Variants in PROM2 observed in about 807,000 individuals in gnomAD.
PROM2 encodes prominin 2.
PROM2 carries 90 observed loss-of-function variants against 110.2 expected under a neutral mutation model. The ratio of observed to expected loss-of-function variants is 0.82; its 90% CI spans 0.69 to 0.97. The LOEUF (loss-of-function observed/expected upper bound fraction) is 0.97. Among genes scored for constraint, PROM2 ranks in the 50% least tolerant of loss-of-function variants. PROM2 has a pLI of 0.00. For synonymous variants in PROM2, 470 were observed against 467.8 expected, an observed-to-expected ratio of 1.00 and a Z score of -0.06; for missense variants, 1,009 against 1,074.8, an observed-to-expected ratio of 0.94 and a Z score of 0.86.
At chr2:95,285,732 G>T (rs781375479) in intron 16 of PROM2, 22 bp downstream of exon 16, 1 of 1,578,034 alleles carries the variant, frequency 6.3e-7, no homozygotes, top group Non-Finnish European at 8.6e-7. Flanking sequence ...ACAGGGCCCC[G>T]ACTGGGCAGC....
At chr2:95,278,082 C>A in intron 8 of PROM2, 78 bp downstream of exon 8, 4 of 1,238,640 alleles carry the variant, frequency 3.2e-6, no homozygotes, top group South Asian at 2.6e-5. Flanking sequence ...TGGGCAGGAA[C>A]CCAGTTGAAC....
chr2:95,288,582 C>T lies in PROM2; in HGVS notation c.2434C>T (p.Arg812Cys), dbSNP rs576676999. 2.7e-5 allele frequency: 43 copies of T among 1,613,618 alleles called. No individual in the cohort carries two copies. Among genetic ancestry groups the T allele is most frequent in the South Asian group, 2.1e-4 (19 of 91,050 alleles). Residue 812 changes from arginine (R) to cysteine (C), a missense_variant, in exon 22 of 24, where the codon CGC becomes TGC. By Grantham distance (180) the Arg-to-Cys change is radical. Transcript: ENST00000317620. Reference sequence around the variant, plus strand: ...CAAATACTTCCGTCCTATCCGGAAACGCCTCAGGTGAGGGGCTGCCAGGGC... The same window carrying T: ...CAAATACTTCCGTCCTATCCGGAAATGCCTCAGGTGAGGGGCTGCCAGGGC... ...TSKYFRPIRK[R>C]LSSTSSEETQ...
In PROM2 at chr2:95,281,987, G is replaced by A; in HGVS notation, c.1614G>A (p.Arg538=). The A allele has an allele frequency of 1.9e-6, 3 of 1,614,136 alleles. No homozygotes were observed. The highest frequency in any genetic ancestry group is 2.5e-6 in the Non-Finnish European group (3 of 1,180,000). ...SMNLSQLLGL[R]KNISIHQAYQ... ...ACCTGTCGCAACTTCTTGGCCTGAGGAAGAACATCAGCATCCACCAAGCCT... is the reference window on the plus strand; with the variant it reads ...ACCTGTCGCAACTTCTTGGCCTGAGAAAGAACATCAGCATCCACCAAGCCT... The change falls in exon 13 of 24, where the codon AGG becomes AGA. Residue 538 remains arginine (R), a synonymous_variant. Coordinates refer to ENST00000317620, the MANE Select transcript of PROM2 (RefSeq NM_001165978.3).
chr2:95,285,651 G>A lies in PROM2; in HGVS notation c.1888G>A (p.Val630Met), dbSNP rs763434626. Residue 630 changes from valine to methionine, a missense_variant, in exon 16 of 24, where the codon GTG becomes ATG. Val to Met is a conservative substitution (Grantham distance 21, BLOSUM62 1). Coordinates refer to ENST00000317620, the MANE Select transcript of PROM2 (RefSeq NM_001165978.3). ...TGTCCACCTGCAGATCCAGAGGCCC[G>A]TGGTGAAGACCAGCATGGAGCAGCT... is the stretch of plus-strand genomic sequence containing the variant. ...PDFLVQIQRP[V>M]VKTSMEQLAQ... 3.7e-6 allele frequency: 6 copies of A among 1,601,370 alleles called. 1 individual carries two copies. The highest frequency in any genetic ancestry group is 3.4e-5 in the South Asian group (3 of 88,536).
intron 14 of PROM2, among the ~76,000 whole-genome samples, chr2:95,284,024 T>C (rs1275225891): frequency 3.3e-5 from 5 of 152,202 alleles, no homozygotes; most frequent in African/African-American, 9.7e-5. Context: ...AGCTATTTTA[T>C]TTCAGGTGGC....
chr2:95,280,297 C>T (rs1181919648), intron 11 of PROM2, among the ~76,000 whole-genome samples: 1 of 152,186 alleles, frequency 6.6e-6, no homozygotes, highest in African/African-American at 2.4e-5. Flanking sequence ...GTTTGCCAAC[C>T]CCAGACTAGA....
chr2:95,279,941 G>C lies in PROM2; in HGVS notation c.1371G>C (p.Arg457Ser), dbSNP rs749124757. The stretch of plus-strand genomic sequence containing the variant: ...TGGGCATCTGGGGCCTGTCTGCCAG[G>C]GACGACCCCAGCCACCCAGAAGCCA... ...LNLGIWGLSARDDPSHPEAKG... is the reference protein window; with the variant it reads ...LNLGIWGLSASDDPSHPEAKG... Residue 457 changes from arginine to serine, a missense_variant, in exon 11 of 24, where the codon AGG becomes AGC. Physicochemically the swap from Arg to Ser is moderately radical, Grantham distance 110. Transcript: ENST00000317620. 1.3e-6 allele frequency: 2 copies of C among 1,536,670 alleles called. No individual in the cohort carries two copies. Among genetic ancestry groups the C allele is most frequent in the South Asian group, 2.5e-5 (2 of 80,950 alleles).
chr2:95,283,403 G>A (rs1227472369), intron 14 of PROM2, among the ~76,000 whole-genome samples: 1 of 152,234 alleles, frequency 6.6e-6, no homozygotes, highest in Non-Finnish European at 1.5e-5. Flanking sequence ...AAGAATCCTC[G>A]TCCTCAAAGG....
intron 11 of PROM2, among the ~76,000 whole-genome samples, chr2:95,280,312 C>T (rs2104108250): frequency 6.6e-6 from 1 of 152,322 alleles, no homozygotes; most frequent in Non-Finnish European, 1.5e-5. Flanking sequence ...ACTAGACGGT[C>T]TCTAAGGCCA....
In PROM2 at chr2:95,288,196, A is replaced by C. The variant is rs748364814; in HGVS notation, c.2245-15A>C. On this transcript the variant is annotated splice_polypyrimidine_tract_variant and intron_variant, in intron 20 of 23. Transcript: ENST00000317620. ...CAGGTGTCTCTGCATCACCTGCCTC[A>C]TGTTGGCGCCACAGGTGACTCAGCG... is the stretch of plus-strand genomic sequence containing the variant. The C allele has an allele frequency of 2.5e-6, 4 of 1,612,558 alleles. No individual in the cohort carries two copies. The Admixed American group carries it at 5.0e-5, about 20-fold the overall frequency.
At chr2:95,284,817 C>T in intron 14 of PROM2, 152 bp from the exon 15 acceptor site, 1 of 902,678 alleles carries the variant, frequency 1.1e-6, no homozygotes, top group South Asian at 2.0e-5. Flanking sequence ...CCCACCTTCA[C>T]CCCCAACACC....
intron 6 of PROM2, 64 bp downstream of exon 6, chr2:95,277,125 C>T: frequency 1.4e-6 from 2 of 1,404,666 alleles, no homozygotes; most frequent in Non-Finnish European, 1.9e-6. Flanking sequence ...GGCGATCCCA[C>T]CTGCACCTAG....
Position 95,276,258 on chromosome 2 carries a change from C to T in PROM2, c.529C>T (p.Gln177Ter), listed in dbSNP as rs746308781. Residue 177 changes from glutamine to a stop codon, truncating the protein, a stop_gained, in exon 4 of 24, where the codon CAG (glutamine) becomes TAG (stop). Coordinates refer to ENST00000317620, the MANE Select transcript of PROM2 (RefSeq NM_001165978.3). LOFTEE classifies it high-confidence loss of function. This position sits in a 1 kb window ranked among gnomAD's most constrained non-coding sequence, Gnocchi z 4.6. ...IGVVCAFVTN[Q>*]RTHEQMGPSI... Reference sequence around the variant, plus strand: ...TGTGGTCTGTGCCTTTGTCACCAACCAGCGCACGCATGAACAGATGGGCCC... The same window carrying T: ...TGTGGTCTGTGCCTTTGTCACCAACTAGCGCACGCATGAACAGATGGGCCC... 4 of 1,613,864 alleles carry T rather than the reference C, an allele frequency of 2.5e-6. No individual in the cohort carries two copies. In the Admixed American group the frequency reaches 6.7e-5, roughly 27 times the overall value.
chr2:95,278,084 C>T (rs1206462160), intron 8 of PROM2, 80 bp downstream of exon 8: 16 of 1,243,540 alleles, frequency 1.3e-5, no homozygotes, highest in African/African-American at 3.0e-5. Flanking sequence ...GGCAGGAACC[C>T]AGTTGAACCT....
At chr2:95,279,584 C>T (rs756128522) in intron 10 of PROM2, among the ~76,000 whole-genome samples, 21 of 152,128 alleles carry the variant, frequency 1.4e-4, no homozygotes, top group Non-Finnish European at 2.2e-4. Flanking sequence ...CCTTAGCCAC[C>T]GCGCCCGGCC....
rs780441177 is a variant in PROM2, at chr2:95,288,557, C to G, written c.2409C>G (p.Ser803=). The change falls in exon 22 of 24, where the codon TCC becomes TCG. Residue 803 remains serine (S), a synonymous_variant. Transcript: ENST00000317620. ...GCATCATCTTTGCCGTCAAGACCTC[C>G]AAATACTTCCGTCCTATCCGGAAAC... The part of the protein sequence containing the change: ...IPSIIFAVKT[S]KYFRPIRKRL... 3.1e-5 allele frequency: 50 copies of G among 1,614,092 alleles called. 1 individual carries two copies. The South Asian group carries it at 5.4e-4, about 17-fold the overall frequency.
At position 95,288,981 on chromosome 2, in the gene PROM2, C is replaced by T. The variant is rs759481810; in HGVS notation, c.2490C>T (p.Thr830=). The T allele has an allele frequency of 6.2e-7, 1 of 1,613,964 alleles. No individual in the cohort carries two copies. Among genetic ancestry groups the T allele is most frequent in the African/African-American group, 1.3e-5 (1 of 74,908 alleles). ...AGCTCTTCCACATCCCCCGGGTTAC[C>T]TCCCTGAAGCTGTAGGGCCTTGTGG... ...ETQLFHIPRV[T]SLKL Residue 830 remains threonine (T), a synonymous_variant, in exon 23 of 24, where the codon ACC becomes ACT. Coordinates refer to ENST00000317620, the MANE Select transcript of PROM2 (RefSeq NM_001165978.3).
At position 95,287,385 on chromosome 2, in the gene PROM2, C is replaced by T; in HGVS notation, c.2176-11C>T. 2.5e-6 allele frequency: 4 copies of T among 1,614,082 alleles called. No individual in the cohort carries two copies. Among genetic ancestry groups the T allele is most frequent in the Non-Finnish European group, 3.4e-6 (4 of 1,179,972 alleles). On this transcript the variant is annotated splice_polypyrimidine_tract_variant and intron_variant, in intron 19 of 23. Coordinates refer to ENST00000317620, the MANE Select transcript of PROM2 (RefSeq NM_001165978.3). Reference sequence around the variant, plus strand: ...GACCCCTACAGCTCAGACCTCCTTTCCTTCCTGCAGGTGAGTGAGTGTTTC... The same window carrying T: ...GACCCCTACAGCTCAGACCTCCTTTTCTTCCTGCAGGTGAGTGAGTGTTTC...
chr2:95,276,983 A>C lies in PROM2; in HGVS notation c.694A>C (p.Ser232Arg). The C allele has an allele frequency of 6.4e-7, 1 of 1,551,942 alleles. No individual in the cohort carries two copies. ...VSEELDGVGV[S>R]IGSAIHTQLR... Reference sequence around the variant, plus strand: ...CCTGTGCTCTGCAGGTGTTGGTGTGAGCATTGGGAGCGCGATCCACACTCA... The same window carrying C: ...CCTGTGCTCTGCAGGTGTTGGTGTGCGCATTGGGAGCGCGATCCACACTCA... Residue 232 changes from serine (S) to arginine (R), a missense_variant, in exon 6 of 24, where the codon AGC (serine) becomes CGC (arginine). By Grantham distance (110) the Ser-to-Arg change is moderately radical (BLOSUM62 -1). Transcript: ENST00000317620. The surrounding 1 kb of genome is among the most constrained non-coding windows in gnomAD (Gnocchi z 4.6).
Sources: allele counts gnomAD v4.1 joint callset (sites outside exome capture counted in the v4.1 genomes callset), GRCh38; gene constraint gnomAD v4.1.1; non-coding constraint Gnocchi (gnomAD v3.1); transcripts MANE v1.5; gene names NCBI Gene and HGNC (gene_info 2026-07-23, HGNC 2026-07-21).